The following HPSE2 variants were observed in gnomAD, a reference collection of about 807,000 sequenced individuals.
HPSE2 encodes heparanase 2 (inactive).
Under a neutral mutation model 60.5 loss-of-function variants are expected in HPSE2, and 38 were observed. The ratio of observed to expected loss-of-function variants is 0.63; its 90% CI spans 0.48 to 0.82. The LOEUF is 0.82. HPSE2 is among the 40% of genes least tolerant of loss of function. HPSE2 has a pLI of 0.00. For synonymous variants in HPSE2, 295 were observed against 293.2 expected (o/e 1.01, Z -0.06); for missense variants, 713 against 740.4 (o/e 0.96, Z 0.43).
intron 5 of HPSE2, among the ~76,000 whole-genome samples, chr10:98,697,678 A>G (rs12770653): frequency 0.5 from 75,575 of 151,928 alleles, 21,092 homozygotes; most frequent in South Asian, 0.74. Context: ...ATAATCTACA[A>G]GAAGATCAAC....
chr10:99,313,369 A>C, the HPSE2 span, among the ~76,000 whole-genome samples: 1 of 152,216 alleles, frequency 6.6e-6, no homozygotes, highest in African/African-American at 2.4e-5. Context: ...AACTGGAATT[A>C]GAAGTGAAGA....
chr10:98,690,488 C>T (rs1208247440), intron 6 of HPSE2, among the ~76,000 whole-genome samples: 1 of 152,116 alleles, frequency 6.6e-6, no homozygotes, highest in Non-Finnish European at 1.5e-5. Flanking sequence ...TGCAGTGAGC[C>T]AAGATCGTGC....
chr10:99,304,327 C>T, the HPSE2 span, among the ~76,000 whole-genome samples: 5,596 of 152,304 alleles, frequency 0.037, 311 homozygotes, highest in African/African-American at 0.11. Flanking sequence ...ATGAACTGCC[C>T]CTTAATCTGC....
At chr10:99,204,680 C>T (rs1256650551) in intron 2 of HPSE2, among the ~76,000 whole-genome samples, 3 of 151,996 alleles carry the variant, frequency 2.0e-5, no homozygotes, top group Non-Finnish European at 2.9e-5. Flanking sequence ...TAAATAAACT[C>T]CATGGGTTCA....
chr10:99,308,379 CA>C, the HPSE2 span, among the ~76,000 whole-genome samples: 104 of 28,128 alleles, frequency 3.7e-3, 6 homozygotes, highest in South Asian at 0.047. Context: ...GACTCTGTCT[CA>C]AAAAAAAAAA....
At chr10:98,775,852 C>A (rs1950329067) in intron 3 of HPSE2, among the ~76,000 whole-genome samples, 2 of 152,116 alleles carry the variant, frequency 1.3e-5, no homozygotes. Context: ...ATCAGCTACC[C>A]CAATAAATCT....
intron 3 of HPSE2, among the ~76,000 whole-genome samples, chr10:98,974,333 TTTTG>T (rs112356595): frequency 0.47 from 71,690 of 151,368 alleles, 18,963 homozygotes; most frequent in East Asian, 0.62. Context: ...GCCAAAGTTT[TTTTG>T]TTTGTTTGTT....
intron 11 of HPSE2, among the ~76,000 whole-genome samples, chr10:98,466,576 A>C (rs1274100722): frequency 6.7e-6 from 1 of 150,066 alleles, no homozygotes; most frequent in African/African-American, 2.5e-5. Flanking sequence ...GCACCACTGC[A>C]CTCCAGCATA....
chr10:98,683,665 T>C (rs1423836574), intron 6 of HPSE2, among the ~76,000 whole-genome samples: 1 of 151,598 alleles, frequency 6.6e-6, no homozygotes, highest in Non-Finnish European at 1.5e-5. Flanking sequence ...GAAGAGAAAA[T>C]ATATAAAAAT....
chr10:98,501,194 T>C (rs1306350608), intron 9 of HPSE2, among the ~76,000 whole-genome samples: 1 of 152,102 alleles, frequency 6.6e-6, no homozygotes, highest in Non-Finnish European at 1.5e-5. Context: ...ATTCATTCTA[T>C]GAAGCCAGCA....
chr10:98,729,673 A>G (rs1949181105), intron 4 of HPSE2, among the ~76,000 whole-genome samples: 1 of 152,068 alleles, frequency 6.6e-6, no homozygotes, highest in Non-Finnish European at 1.5e-5. Flanking sequence ...ACCATAAGAG[A>G]GCAGAAATAA....
intron 9 of HPSE2, among the ~76,000 whole-genome samples, chr10:98,538,765 T>G (rs890806373): frequency 6.6e-6 from 1 of 152,148 alleles, no homozygotes; most frequent in Admixed American, 6.5e-5. Flanking sequence ...TGCATCAGCA[T>G]TTCCAAATAA....
intron 3 of HPSE2, among the ~76,000 whole-genome samples, chr10:98,906,395 C>A (rs1012038339): frequency 6.6e-6 from 1 of 152,044 alleles, no homozygotes; most frequent in African/African-American, 2.4e-5. Context: ...ATCCAGGACA[C>A]TAAGTAATAG....
rs1397406376 is a variant in HPSE2 at position 98,522,780 on chromosome 10, C to T, written c.1321-32584G>A. ...GGCGTGAGCCACCGTGTCCCGCCTT[C>T]GTCAGCGAATCTTTGAAAGGAGGAG... On this transcript the variant is annotated intron_variant, in intron 9 of 11. Coordinates refer to ENST00000370552, the MANE Select transcript of HPSE2 (RefSeq NM_021828.5). Among the ~76,000 whole-genome samples, 4 of 152,252 alleles carry T rather than the reference C, an allele frequency of 2.6e-5. No homozygotes were observed. In the East Asian group the frequency reaches 5.8e-4, roughly 22 times the overall value.
At chr10:99,275,121 G>T in the HPSE2 span, among the ~76,000 whole-genome samples, 7 of 152,296 alleles carry the variant, frequency 4.6e-5, no homozygotes, top group East Asian at 1.3e-3. Context: ...TTAGAAAACA[G>T]TTCCCCCCAA....
intron 3 of HPSE2, among the ~76,000 whole-genome samples, chr10:98,890,522 G>T (rs977987805): frequency 3.3e-5 from 5 of 152,050 alleles, no homozygotes; most frequent in African/African-American, 1.2e-4. Context: ...GGCAAGAAAA[G>T]ATGGAAAACT....
intron 3 of HPSE2, among the ~76,000 whole-genome samples, chr10:98,960,472 T>C (rs570098683): frequency 6.6e-6 from 1 of 152,158 alleles, no homozygotes; most frequent in Non-Finnish European, 1.5e-5. Flanking sequence ...AAAAGATTAA[T>C]CAAGAATAAA....
At chr10:98,901,644 T>C (rs760485845) in intron 3 of HPSE2, among the ~76,000 whole-genome samples, 2 of 152,198 alleles carry the variant, frequency 1.3e-5, no homozygotes, top group East Asian at 3.8e-4. Context: ...ATAATCTTTA[T>C]TGACAGCCTT....
intron 6 of HPSE2, among the ~76,000 whole-genome samples, chr10:98,679,746 G>T (rs2134133258): frequency 6.6e-6 from 1 of 152,266 alleles, no homozygotes; most frequent in African/African-American, 2.4e-5. Context: ...ATGGAGTGCA[G>T]TGGTGTGATC....
Sources: gnomAD v4.1 joint callset for allele counts (sites outside exome capture counted in the v4.1 genomes callset) on GRCh38, gnomAD v4.1.1 for gene constraint, MANE v1.5 for transcripts, NCBI Gene and HGNC (gene_info 2026-07-23, HGNC 2026-07-21) for gene names.